LYRM7: variants seen among roughly 807,000 people sequenced by gnomAD.
The protein encoded by LYRM7 is LYR motif containing 7.
LYRM7 carries 9 observed loss-of-function variants against 15.8 expected under a neutral mutation model. The observed-to-expected ratio is 0.57, with a 90% CI of 0.34 to 0.99. The LOEUF (loss-of-function observed/expected upper bound fraction) is 0.99, where lower values mean the gene tolerates loss of function less well. Ranked by LOEUF, LYRM7 falls within the 50% of genes least tolerant of loss-of-function variation. The pLI, the probability that LYRM7 is intolerant of heterozygous loss-of-function variation, is 0.02. For synonymous variants in LYRM7, 39 were observed against 39.4 expected, an observed-to-expected ratio of 0.99 and a Z score of 0.04; for missense variants, 115 against 119.1, an observed-to-expected ratio of 0.97 and a Z score of 0.16.
rs1170895389 is a variant in LYRM7 at position 131,204,612 on chromosome 5, G to T, written c.*5011G>T. The T allele has an allele frequency of 6.7e-6, 1 of 149,208 alleles. No individual in the cohort carries two copies. The highest frequency in any genetic ancestry group is 1.5e-5 in the Non-Finnish European group (1 of 67,532). 9.2% of individuals were successfully genotyped at this position (149,208 alleles called of 1,614,324 possible). ...TGCTCAAAGGAAATGGCCACTGGAA[G>T]ATTTCAGATTTTCAGATTTGGAGTG... On this transcript the variant is annotated 3_prime_UTR_variant, in exon 5 of 5. Coordinates refer to ENST00000379380, the MANE Select transcript of LYRM7 (RefSeq NM_181705.4).
chr5:131,192,490 A>G (rs1046589596), intron 4 of LYRM7, among the ~76,000 whole-genome samples: 3 of 152,224 alleles, frequency 2.0e-5, no homozygotes, highest in Non-Finnish European at 4.4e-5. Flanking sequence ...TGATTTGATC[A>G]TCACACATAT....
chr5:131,183,063 C>A (rs1360798223), intron 3 of LYRM7, among the ~76,000 whole-genome samples: 2 of 151,546 alleles, frequency 1.3e-5, no homozygotes, highest in Non-Finnish European at 2.9e-5. Context: ...AAAAAGAATC[C>A]TTTTTAAAGG....
At chr5:131,188,344 T>C (rs1755830779) in intron 4 of LYRM7, among the ~76,000 whole-genome samples, 1 of 150,808 alleles carries the variant, frequency 6.6e-6, no homozygotes, top group African/African-American at 2.4e-5. Flanking sequence ...TTTGTAATTG[T>C]ATAGCTCAGT....
rs1227202190 is a variant in LYRM7, at chr5:131,171,035, C to A, written c.15C>A (p.Val5=). The change falls in exon 1 of 5, where the codon GTC becomes GTA. Residue 5 remains valine, a synonymous_variant. Coordinates refer to ENST00000379380, the MANE Select transcript of LYRM7 (RefSeq NM_181705.4). ...TGAGGAGAGCCATGGGACGGGCAGT[C>A]AAGGTGACAGGGCCCGGGAAGGGGT... MGRA[V]KVLQLFKTLH... 1.3e-6 allele frequency: 2 copies of A among 1,532,592 alleles called. No individual in the cohort carries two copies. Among genetic ancestry groups the A allele is most frequent in the Non-Finnish European group, 1.7e-6 (2 of 1,149,558 alleles). The allele number at this position is 1,532,592 out of a possible 1,614,324, so 94.9% of individuals were successfully genotyped here. A position where few individuals can be genotyped will look rare whatever the true frequency, so the allele number is the denominator to read the frequency against.
In LYRM7 at chr5:131,199,727, C is replaced by T. The variant is rs947091885; in HGVS notation, c.*126C>T. 1 of 512,634 alleles carries T rather than the reference C, an allele frequency of 2.0e-6. No homozygotes were observed. The highest frequency in any genetic ancestry group is 4.3e-5 in the South Asian group (1 of 23,224). 31.8% of individuals were successfully genotyped at this position (512,634 alleles called of 1,614,324 possible). On this transcript the variant is annotated 3_prime_UTR_variant, in exon 5 of 5. Transcript: ENST00000379380. ...TGAAAATGAATGAATTACAGAATAG[C>T]TTCATATTTAAATTTCATGTTAAAA...
chr5:131,185,592 T>C (rs1447618156), intron 3 of LYRM7, among the ~76,000 whole-genome samples: 5 of 152,240 alleles, frequency 3.3e-5, no homozygotes, highest in African/African-American at 1.2e-4. Context: ...TCATTACATA[T>C]TTTTAAATTA....
At chr5:131,181,292 A>ATAT (rs1181892950) in intron 2 of LYRM7, among the ~76,000 whole-genome samples, 3 of 16,106 alleles carry the variant, frequency 1.9e-4, no homozygotes, top group African/African-American at 4.5e-4. Context: ...AAAAAAAAAA[A>ATAT]AAAAAAAAAA....
At chr5:131,191,537 C>A (rs1255408402) in intron 4 of LYRM7, among the ~76,000 whole-genome samples, 1 of 152,118 alleles carries the variant, frequency 6.6e-6, no homozygotes, top group African/African-American at 2.4e-5. Context: ...TGAATCCCAG[C>A]AGGAACTCTT....
At chr5:131,184,001 G>A (rs552507532) in intron 3 of LYRM7, among the ~76,000 whole-genome samples, 3 of 151,988 alleles carry the variant, frequency 2.0e-5, no homozygotes, top group South Asian at 2.1e-4. Flanking sequence ...ATGGAGTTTC[G>A]CTCTTGTTGC....
chr5:131,198,223 A>T (rs1291041495), intron 4 of LYRM7, among the ~76,000 whole-genome samples: 1 of 152,176 alleles, frequency 6.6e-6, no homozygotes, highest in Non-Finnish European at 1.5e-5. Flanking sequence ...TGTAACTGCA[A>T]TATAATGACC....
chr5:131,175,604 G>A (rs1028231618), intron 1 of LYRM7, among the ~76,000 whole-genome samples: 19 of 151,658 alleles, frequency 1.3e-4, no homozygotes, highest in African/African-American at 4.4e-4. Flanking sequence ...GTGTCATCTT[G>A]GCTCGCCGCA....
intron 3 of LYRM7, among the ~76,000 whole-genome samples, chr5:131,185,948 C>T (rs1037626580): frequency 1.1e-4 from 17 of 152,196 alleles, no homozygotes; most frequent in Non-Finnish European, 1.9e-4. Flanking sequence ...GTGACACACT[C>T]TACTTTTCTA....
chr5:131,172,771 T>G (rs1755542950), intron 1 of LYRM7, among the ~76,000 whole-genome samples: 1 of 152,034 alleles, frequency 6.6e-6, no homozygotes, highest in Non-Finnish European at 1.5e-5. Flanking sequence ...TTCAAGAAAA[T>G]TGAGGCAAAA....
chr5:131,198,854 A>C (rs1756013673), intron 4 of LYRM7, among the ~76,000 whole-genome samples: 1 of 151,894 alleles, frequency 6.6e-6, no homozygotes, highest in Admixed American at 6.6e-5. Context: ...TACAGCCGTG[A>C]GTCACCACAC....
At position 131,171,032 on chromosome 5, in the gene LYRM7, A is replaced by G. The variant is rs1253599077; in HGVS notation, c.12A>G (p.Ala4=). 3.3e-6 allele frequency: 5 copies of G among 1,534,188 alleles called. No individual in the cohort carries two copies. The highest frequency in any genetic ancestry group is 1.7e-4 in the Middle Eastern group (1 of 5,834). The part of the protein sequence containing the change: MGR[A]VKVLQLFKTL... ...CGGTGAGGAGAGCCATGGGACGGGC[A>G]GTCAAGGTGACAGGGCCCGGGAAGG... The change falls in exon 1 of 5, where the codon GCA becomes GCG. Residue 4 remains alanine (A), a synonymous_variant. Coordinates refer to ENST00000379380, the MANE Select transcript of LYRM7 (RefSeq NM_181705.4).
Position 131,180,176 on chromosome 5 carries a change from G to A in LYRM7, c.91+9G>A. On this transcript the variant is annotated intron_variant, in intron 2 of 4. Coordinates refer to ENST00000379380, the MANE Select transcript of LYRM7 (RefSeq NM_181705.4). ...TGCCAGAGCATTAGAAGGTAAGTAT[G>A]TTCTTTACCCCTTTGGAGCCAGTCT... The A allele has an allele frequency of 6.3e-7, 1 of 1,592,498 alleles. No individual in the cohort carries two copies. Among genetic ancestry groups the A allele is most frequent in the Non-Finnish European group, 8.6e-7 (1 of 1,160,668 alleles).
chr5:131,196,654 G>T (rs948919885), intron 4 of LYRM7, among the ~76,000 whole-genome samples: 2 of 151,592 alleles, frequency 1.3e-5, no homozygotes, highest in Non-Finnish European at 2.9e-5. Flanking sequence ...GCCCAGAACT[G>T]CCTTAATCTG....
rs1412480447 is a variant in LYRM7 at position 131,181,341 on chromosome 5, C to CAT, written c.92-883_92-882dup. 4.7e-3 allele frequency among the ~76,000 whole-genome samples: 178 copies of CAT among 37,812 alleles called. 4 individuals are homozygous for CAT. Among genetic ancestry groups the CAT allele is most frequent in the African/African-American group, 0.027 (170 of 6,310 alleles). 24.8% of individuals were successfully genotyped at this position (37,812 alleles called of 152,430 possible). A position where few individuals can be genotyped will look rare whatever the true frequency, so the allele number is the denominator to read the frequency against. On this transcript the variant is annotated intron_variant, in intron 2 of 4. Coordinates refer to ENST00000379380, the MANE Select transcript of LYRM7 (RefSeq NM_181705.4). Reference sequence around the variant, plus strand: ...TACACACACACACACATATATATAACATATATGTTATATATATATTAACAT... The same window carrying CAT: ...TACACACACACACACATATATATAACATATATATGTTATATATATATTAACAT...
chr5:131,178,935 C>T (rs1006436167), intron 1 of LYRM7, among the ~76,000 whole-genome samples: 7 of 129,962 alleles, frequency 5.4e-5, no homozygotes, highest in Non-Finnish European at 7.7e-5. Context: ...GCACTCCAGC[C>T]TGGGTGACAA....
Sources: allele counts gnomAD v4.1 joint callset (sites outside exome capture counted in the v4.1 genomes callset), GRCh38; gene constraint gnomAD v4.1.1; transcripts MANE v1.5; gene names NCBI Gene and HGNC (gene_info 2026-07-23, HGNC 2026-07-21).